Variants in DLGAP2 observed in about 807,000 individuals in gnomAD.
DLGAP2 encodes the protein DLG associated protein 2, also known as disks large-associated protein 2.
A neutral mutation model predicts 100.3 loss-of-function variants in DLGAP2; 26 were observed. That is an observed-to-expected ratio of 0.26 (90% confidence interval 0.19 to 0.36). The LOEUF is 0.36. DLGAP2 is among the 10% of genes least tolerant of loss of function. The probability of loss-of-function intolerance (pLI) is 1.00; values close to 1 mark genes in which losing one functional copy is unlikely to be tolerated. For missense variants in DLGAP2, 1,858 were observed against 1,453.2 expected (o/e 1.28, Z -4.53); for synonymous variants, 886 against 630.1 (o/e 1.41, Z -6.08).
At chr8:1,526,103 G>T (rs1227851629) in intron 4 of DLGAP2, among the ~76,000 whole-genome samples, 1 of 151,180 alleles carries the variant, frequency 6.6e-6, no homozygotes, top group Non-Finnish European at 1.5e-5. Context: ...TTCAGATTTG[G>T]GAGTAACAAT....
At chr8:1,415,554 C>A (rs1796859687) in intron 3 of DLGAP2, among the ~76,000 whole-genome samples, 2 of 152,158 alleles carry the variant, frequency 1.3e-5, no homozygotes, top group African/African-American at 4.8e-5. Context: ...TAAGTGAGAA[C>A]ACGTGGTGTC....
At chr8:880,579 A>G (rs112989240) in intron 1 of DLGAP2, among the ~76,000 whole-genome samples, 21 of 123,894 alleles carry the variant, frequency 1.7e-4, no homozygotes, top group East Asian at 5.0e-4. Context: ...GGGAGACTTT[A>G]TAGGTGGGTC....
intron 2 of DLGAP2, among the ~76,000 whole-genome samples, chr8:977,565 T>G (rs979648993): frequency 6.6e-6 from 1 of 152,258 alleles, no homozygotes; most frequent in African/African-American, 2.4e-5. Flanking sequence ...AACTCATGCC[T>G]CCTTGCGAAC....
At chr8:1,197,464 C>A (rs1797776426) in intron 2 of DLGAP2, among the ~76,000 whole-genome samples, 1 of 152,254 alleles carries the variant, frequency 6.6e-6, no homozygotes, top group Admixed American at 6.5e-5. Context: ...AGCCCAGGGT[C>A]AAGCACTGTT....
intron 2 of DLGAP2, among the ~76,000 whole-genome samples, chr8:1,040,357 A>G (rs866967906): frequency 0.067 from 2,556 of 38,002 alleles, no homozygotes; most frequent in Non-Finnish European, 0.072. Flanking sequence ...TGGTCGGCTC[A>G]GTGTGCGTGG....
rs1563066843 is a variant in DLGAP2 at position 858,563 on chromosome 8, T to TGCTGTCACCGTGGGCACATGTGTGAC, written c.19-49335_19-49334insCACATGTGTGACGCTGTCACCGTGGG. Among the ~76,000 whole-genome samples the TGCTGTCACCGTGGGCACATGTGTGAC allele has an allele frequency of 2.0e-5, 3 of 151,226 alleles. No individual in the cohort carries two copies. The East Asian group carries it at 5.9e-4, about 30-fold the overall frequency. On this transcript the variant is annotated intron_variant, in intron 1 of 14. Transcript: ENST00000637795. ...GCTGTCACCGTGGGCACATGTGTGA[T>TGCTGTCACCGTGGGCACATGTGTGAC]GCTGTCACCGTGGGGACATGTGTGA...
At chr8:854,028 C>G (rs1304569651) in intron 1 of DLGAP2, among the ~76,000 whole-genome samples, 1 of 152,140 alleles carries the variant, frequency 6.6e-6, no homozygotes, top group East Asian at 1.9e-4. Context: ...GGCGCTGTCT[C>G]TGGACCAGGA....
At chr8:1,131,121 A>G (rs1338656923) in intron 2 of DLGAP2, among the ~76,000 whole-genome samples, 1 of 152,200 alleles carries the variant, frequency 6.6e-6, no homozygotes, top group Non-Finnish European at 1.5e-5. Flanking sequence ...CTCATTTTAT[A>G]ACAGAAGAAA....
intron 3 of DLGAP2, among the ~76,000 whole-genome samples, chr8:1,421,969 A>G (rs562853846): frequency 2.0e-5 from 3 of 151,702 alleles, no homozygotes; most frequent in African/African-American, 7.3e-5. Flanking sequence ...CCATCTCAAA[A>G]AAAAGAAAAA....
intron 3 of DLGAP2, among the ~76,000 whole-genome samples, chr8:1,414,905 A>T (rs1563132330): frequency 6.6e-6 from 1 of 152,244 alleles, no homozygotes; most frequent in East Asian, 1.9e-4. Context: ...GCTGCTTGGG[A>T]GGCTGAGGCA....
At chr8:1,669,391 T>A (rs1798630169) in intron 9 of DLGAP2, among the ~76,000 whole-genome samples, 2 of 152,218 alleles carry the variant, frequency 1.3e-5, no homozygotes, top group Middle Eastern at 3.2e-3. Context: ...GGTGCAGTGT[T>A]GTGCACCCAG....
chr8:1,539,449 A>T (rs990298932), intron 4 of DLGAP2, among the ~76,000 whole-genome samples: 1 of 152,122 alleles, frequency 6.6e-6, no homozygotes, highest in Non-Finnish European at 1.5e-5. Flanking sequence ...ATCTCGGTGC[A>T]CTGGGAGATA....
intron 4 of DLGAP2, among the ~76,000 whole-genome samples, chr8:1,519,631 C>G (rs982005396): frequency 2.0e-5 from 3 of 152,254 alleles, no homozygotes. Context: ...ATGGACACCA[C>G]CTCTTGCCTA....
intron 1 of DLGAP2, 121 bp downstream of exon 1, chr8:737,946 G>A (rs940166037): frequency 2.9e-6 from 1 of 348,798 alleles, no homozygotes; most frequent in Non-Finnish European, 5.2e-6. Context: ...TGGGGGCGGG[G>A]GCGAGCGGGG....
intron 3 of DLGAP2, among the ~76,000 whole-genome samples, chr8:1,319,288 C>T (rs887954358): frequency 6.6e-6 from 1 of 152,208 alleles, no homozygotes; most frequent in Non-Finnish European, 1.5e-5. Flanking sequence ...ACAATGTGTG[C>T]TGGTAAAATG....
intron 1 of DLGAP2, among the ~76,000 whole-genome samples, chr8:874,619 T>C (rs1227223816): frequency 1.3e-5 from 2 of 152,236 alleles, no homozygotes; most frequent in African/African-American, 4.8e-5. Flanking sequence ...AGGTTTGTTT[T>C]ATGGCTTAAC....
chr8:1,048,299 C>T (rs534887812), intron 2 of DLGAP2, among the ~76,000 whole-genome samples: 1 of 152,276 alleles, frequency 6.6e-6, no homozygotes, highest in South Asian at 2.1e-4. Context: ...CACCCCAAGG[C>T]TCACAGACAT....
intron 14 of DLGAP2, 137 bp from the exon 15 acceptor site, chr8:1,701,051 G>C: frequency 1.3e-6 from 1 of 756,746 alleles, no homozygotes; most frequent in Middle Eastern, 3.9e-4. Flanking sequence ...CAGGGCAGAC[G>C]GGGGACGGGA....
chr8:793,987 CT>C (rs1795974567), intron 1 of DLGAP2, among the ~76,000 whole-genome samples: 1 of 152,124 alleles, frequency 6.6e-6, no homozygotes. Context: ...CTCTGAAATC[CT>C]TTTGGCCTGT....
Sources: allele counts gnomAD v4.1 joint callset (sites outside exome capture counted in the v4.1 genomes callset), GRCh38; gene constraint gnomAD v4.1.1; transcripts MANE v1.5; gene names NCBI Gene and HGNC (gene_info 2026-07-23, HGNC 2026-07-21).